The following PKHD1 variants were observed in gnomAD, a reference collection of about 807,000 sequenced individuals.
The protein encoded by PKHD1 is fibrocystin.
A neutral mutation model predicts 412.0 loss-of-function variants in PKHD1; 291 were observed. The ratio of observed to expected loss-of-function variants is 0.71; its 90% CI spans 0.64 to 0.78. The LOEUF (loss-of-function observed/expected upper bound fraction) is 0.78, where lower values mean the gene tolerates loss of function less well. PKHD1 is among the 30% of genes least tolerant of loss of function. The probability of loss-of-function intolerance (pLI) is 0.00; values close to 1 mark genes in which losing one functional copy is unlikely to be tolerated. For missense variants in PKHD1, 4,825 were observed against 4,950.7 expected (o/e 0.97, Z 0.76); for synonymous variants, 1,777 against 1,821.5 (o/e 0.98, Z 0.62).
chr6:52,010,197 T>C lies in PKHD1; in HGVS notation c.5751+112A>G, dbSNP rs2128116615. On this transcript the variant is annotated intron_variant, in intron 35 of 66. Coordinates refer to ENST00000371117, the MANE Select transcript of PKHD1 (RefSeq NM_138694.4). ...ACCAGCTTCTCAAAGTTTGAGCACA[T>C]TTAATATTATATATCGCTGCCATTT... The C allele has an allele frequency of 1.9e-5, 17 of 893,912 alleles. No homozygotes were observed. In the South Asian group the frequency reaches 2.0e-4, roughly 10 times the overall value. 55.4% of individuals were successfully genotyped at this position (893,912 alleles called of 1,614,324 possible).
rs2128146627 is a variant in PKHD1 at position 52,026,051 on chromosome 6, T to G, written c.3759A>C (p.Pro1253=). ...CGCCCGCATCGGGTATCTGGGGGGC[T>G]GGCAGGGTTTCACACCAGATGCTCG... ...TEASIWCETL[P]APQIPDAGAP... Residue 1253 remains proline (P), a synonymous_variant, in exon 32 of 67, where the codon CCA becomes CCC. Transcript: ENST00000371117. 12 of 1,614,142 alleles carry G rather than the reference T, an allele frequency of 7.4e-6. No homozygotes were observed. Among genetic ancestry groups the G allele is most frequent in the Non-Finnish European group, 1.0e-5 (12 of 1,180,032 alleles).
chr6:51,651,062 T>G (rs974662044), intron 61 of PKHD1, among the ~76,000 whole-genome samples: 40 of 152,070 alleles, frequency 2.6e-4, no homozygotes, highest in Non-Finnish European at 1.5e-5. Flanking sequence ...AAAGACCCCA[T>G]CAAAGATTCT....
In PKHD1 at chr6:51,998,963, C is replaced by T. The variant is rs896598816; in HGVS notation, c.5751+11346G>A. ...CCACTAGTCTACCATCAGCTAACTC[C>T]AGCCAAGGACAGCCAGGGGACTAGA... On this transcript the variant is annotated intron_variant, in intron 35 of 66. Coordinates refer to ENST00000371117, the MANE Select transcript of PKHD1 (RefSeq NM_138694.4). 5.1e-4 allele frequency among the ~76,000 whole-genome samples: 78 copies of T among 152,156 alleles called. 1 individual carries two copies. The highest frequency in any genetic ancestry group is 1.1e-3 in the Non-Finnish European group (74 of 68,044).
chr6:51,990,411 G>C (rs1796916223), intron 35 of PKHD1, among the ~76,000 whole-genome samples: 1 of 151,976 alleles, frequency 6.6e-6, no homozygotes, highest in Non-Finnish European at 1.5e-5. Flanking sequence ...TTCCTTGTTT[G>C]GCATATTTCT....
chr6:52,046,758 T>C (rs1187185798), intron 23 of PKHD1, among the ~76,000 whole-genome samples: 4 of 152,376 alleles, frequency 2.6e-5, no homozygotes, highest in African/African-American at 7.2e-5. Context: ...CTCTCTGTAT[T>C]TGAACCCTGC....
Position 51,885,919 on chromosome 6 carries a change from C to T in PKHD1, c.7163G>A (p.Gly2388Asp), listed in dbSNP as rs371830478. ...KFQPPWDNVTGTTLFQSFTVW... is the reference protein window; with the variant it reads ...KFQPPWDNVTDTTLFQSFTVW... The stretch of plus-strand genomic sequence containing the variant: ...TGTGAAGCTCTGGAACAGAGTGGTG[C>T]CAGTGACATTATCCCAAGGTGGCTG... Residue 2388 changes from glycine (G) to aspartate (D), a missense_variant, in exon 45 of 67, where the codon GGC (glycine) becomes GAC (aspartate). Transcript: ENST00000371117. 7.6e-5 allele frequency: 122 copies of T among 1,613,412 alleles called. No individual in the cohort carries two copies. The highest frequency in any genetic ancestry group is 3.3e-4 in the South Asian group (30 of 91,016).
intron 55 of PKHD1, among the ~76,000 whole-genome samples, chr6:51,755,265 G>A (rs1786779260): frequency 6.6e-6 from 1 of 152,130 alleles, no homozygotes; most frequent in Non-Finnish European, 1.5e-5. Flanking sequence ...CTGGATTAGG[G>A]AACAGATTCA....
chr6:52,032,931 T>A, intron 29 of PKHD1, 99 bp downstream of exon 29: 1 of 1,161,806 alleles, frequency 8.6e-7, no homozygotes, highest in East Asian at 2.3e-5. Context: ...AGAAAAAACT[T>A]AAATCCAAAA....
At chr6:51,624,338 T>C (rs1328452130) in intron 66 of PKHD1, among the ~76,000 whole-genome samples, 1 of 152,226 alleles carries the variant, frequency 6.6e-6, no homozygotes, top group African/African-American at 2.4e-5. Flanking sequence ...TTTTATTATA[T>C]GACATGGACA....
chr6:51,903,584 C>A lies in PKHD1; in HGVS notation c.6996+13G>T, dbSNP rs779575950. The A allele has an allele frequency of 3.0e-5, 48 of 1,606,994 alleles. No homozygotes were observed. The highest frequency in any genetic ancestry group is 3.9e-5 in the Non-Finnish European group (46 of 1,174,916). On this transcript the variant is annotated intron_variant, in intron 43 of 66. Coordinates refer to ENST00000371117, the MANE Select transcript of PKHD1 (RefSeq NM_138694.4). ...CTCAGTTCTGGTCTTCCTGGTAGAG[C>A]TGAACATCTTACCTCTATAACATTG... is the stretch of plus-strand genomic sequence containing the variant.
At position 51,655,997 on chromosome 6, in the gene PKHD1, C is replaced by G. The variant is rs573787929; in HGVS notation, c.11174+2955G>C. Among the ~76,000 whole-genome samples, 16 of 152,128 alleles carry G rather than the reference C, an allele frequency of 1.1e-4. 1 individual carries two copies. The South Asian group carries it at 3.3e-3, about 32-fold the overall frequency. ...GCAATCCCACTACTGGGGATATACC[C>G]AAAGGATTATTTATAAATCATTCTA... On this transcript the variant is annotated intron_variant, in intron 61 of 66. Coordinates refer to ENST00000371117, the MANE Select transcript of PKHD1 (RefSeq NM_138694.4).
At chr6:51,626,126 AC>A (rs1767204864) in intron 66 of PKHD1, among the ~76,000 whole-genome samples, 1 of 152,120 alleles carries the variant, frequency 6.6e-6, no homozygotes, top group Non-Finnish European at 1.5e-5. Context: ...ACACACACAC[AC>A]CCACATAAAC....
chr6:52,081,218 T>C (rs1811979696), intron 4 of PKHD1, among the ~76,000 whole-genome samples: 1 of 152,200 alleles, frequency 6.6e-6, no homozygotes, highest in Non-Finnish European at 1.5e-5. Flanking sequence ...CATGTAAATC[T>C]CCAGAGCTTT....
chr6:51,941,659 C>A (rs1401922308), intron 36 of PKHD1, among the ~76,000 whole-genome samples: 1 of 151,730 alleles, frequency 6.6e-6, no homozygotes, highest in Non-Finnish European at 1.5e-5. Context: ...TGTGCCTTAT[C>A]AACCAAATTG....
chr6:52,025,681 T>C lies in PKHD1; in HGVS notation c.4129A>G (p.Asn1377Asp), dbSNP rs1802048676. Reference protein sequence around the residue: ...QVRQKQMGFANMSVVLQQFAV... With the variant: ...QVRQKQMGFADMSVVLQQFAV... ...AATTGCTGGAGCACCACAGACATAT[T>C]AGCAAATCCCATCTGCTTCTGACGT... Residue 1377 changes from asparagine (N) to aspartate (D), a missense_variant, in exon 32 of 67, where the codon AAT (asparagine) becomes GAT (aspartate). Transcript: ENST00000371117. 1.9e-6 allele frequency: 3 copies of C among 1,614,044 alleles called. No individual in the cohort carries two copies. The highest frequency in any genetic ancestry group is 1.7e-6 in the Non-Finnish European group (2 of 1,180,042).
chr6:51,642,686 A>G (rs1424054502), intron 63 of PKHD1, among the ~76,000 whole-genome samples: 1 of 152,124 alleles, frequency 6.6e-6, no homozygotes, highest in African/African-American at 2.4e-5. Context: ...CTAAAAATAG[A>G]AAAATTAGCC....
chr6:51,711,270 T>TC (rs1780630133), intron 60 of PKHD1, among the ~76,000 whole-genome samples: 1 of 152,240 alleles, frequency 6.6e-6, no homozygotes, highest in Non-Finnish European at 1.5e-5. Flanking sequence ...TGAGTTGCCT[T>TC]CCCTCCTTCT....
chr6:51,853,570 A>G (rs1175204678), intron 49 of PKHD1, among the ~76,000 whole-genome samples: 1 of 152,172 alleles, frequency 6.6e-6, no homozygotes, highest in Non-Finnish European at 1.5e-5. Context: ...AATCAATCAT[A>G]GGTTCAGTCT....
intron 59 of PKHD1, 111 bp from the exon 60 acceptor site, chr6:51,744,653 T>C (rs1562213780): frequency 2.4e-5 from 20 of 817,816 alleles, no homozygotes; most frequent in Non-Finnish European, 4.2e-5. Flanking sequence ...ATTTTTATTA[T>C]TGACAATGTG....
Sources: allele counts gnomAD v4.1 joint callset (sites outside exome capture counted in the v4.1 genomes callset), GRCh38; gene constraint gnomAD v4.1.1; transcripts MANE v1.5; gene names NCBI Gene and HGNC (gene_info 2026-07-23, HGNC 2026-07-21).